PPP1R9A: variants seen among roughly 807,000 people sequenced by gnomAD.
PPP1R9A encodes the protein protein phosphatase 1 regulatory subunit 9A, also known as neurabin-1.
Under a neutral mutation model 141.9 loss-of-function variants are expected in PPP1R9A, and 59 were observed. The observed-to-expected ratio is 0.42, with a 90% CI of 0.34 to 0.52. PPP1R9A has a LOEUF of 0.52. Among genes scored for constraint, PPP1R9A ranks in the 20% least tolerant of loss-of-function variants. The probability of loss-of-function intolerance (pLI) is 0.10; values close to 1 mark genes in which losing one functional copy is unlikely to be tolerated. For missense variants in PPP1R9A, 1,444 were observed against 1,611.9 expected, an observed-to-expected ratio of 0.90 and a Z score of 1.78; for synonymous variants, 500 against 569.7, an observed-to-expected ratio of 0.88 and a Z score of 1.74.
chr7:95,197,541 T>C (rs1053588786), intron 5 of PPP1R9A, among the ~76,000 whole-genome samples: 2 of 152,206 alleles, frequency 1.3e-5, no homozygotes, highest in African/African-American at 4.8e-5. Flanking sequence ...TACCTCTTGT[T>C]ATTACAGTTT....
At chr7:95,007,968 A>C (rs759123882) in intron 2 of PPP1R9A, among the ~76,000 whole-genome samples, 3 of 152,136 alleles carry the variant, frequency 2.0e-5, no homozygotes, top group Non-Finnish European at 4.4e-5. Flanking sequence ...GCTACTCAGA[A>C]GGCTGAGGCA....
chr7:95,204,914 C>T (rs779332903), intron 7 of PPP1R9A, among the ~76,000 whole-genome samples: 10 of 148,866 alleles, frequency 6.7e-5, no homozygotes, highest in South Asian at 2.2e-4. Context: ...ACACACCTCA[C>T]GCCCCCACAC....
intron 2 of PPP1R9A, among the ~76,000 whole-genome samples, chr7:94,938,049 AGAACAG>A: frequency 6.6e-6 from 1 of 152,176 alleles, no homozygotes; most frequent in Non-Finnish European, 1.5e-5. Flanking sequence ...CTGGTAGAGT[AGAACAG>A]GGGTCCTCAG....
At chr7:95,158,812 G>T (rs955850713) in intron 4 of PPP1R9A, among the ~76,000 whole-genome samples, 2 of 152,174 alleles carry the variant, frequency 1.3e-5, no homozygotes, top group African/African-American at 2.4e-5. Flanking sequence ...ATTTGTGGAA[G>T]TAGACAGGTG....
At chr7:95,197,473 A>G (rs147549636) in intron 5 of PPP1R9A, among the ~76,000 whole-genome samples, 32 of 152,156 alleles carry the variant, frequency 2.1e-4, no homozygotes, top group African/African-American at 7.7e-4. Flanking sequence ...TCCCTTATTT[A>G]TTGAATCACA....
intron 2 of PPP1R9A, among the ~76,000 whole-genome samples, chr7:95,025,306 C>G (rs1806662787): frequency 6.6e-6 from 1 of 152,042 alleles, no homozygotes; most frequent in Non-Finnish European, 1.5e-5. Flanking sequence ...ACCTCGTGAT[C>G]CACCCTCCTC....
At chr7:95,214,942 G>A (rs146392788) in intron 7 of PPP1R9A, among the ~76,000 whole-genome samples, 2 of 151,982 alleles carry the variant, frequency 1.3e-5, no homozygotes, top group East Asian at 3.9e-4. Context: ...TAGACAATGA[G>A]AATGGAGTGA....
chr7:94,997,948 C>G (rs1374996782), intron 2 of PPP1R9A, among the ~76,000 whole-genome samples: 1 of 152,070 alleles, frequency 6.6e-6, no homozygotes, highest in African/African-American at 2.4e-5. Context: ...GATCATAATT[C>G]TGGGCTGCCT....
At chr7:95,008,611 G>A (rs528492808) in intron 2 of PPP1R9A, among the ~76,000 whole-genome samples, 32 of 152,264 alleles carry the variant, frequency 2.1e-4, no homozygotes, top group African/African-American at 7.5e-4. Flanking sequence ...CATGTACGTT[G>A]TAAGCTTCAC....
At chr7:94,915,220 T>C (rs897980143) in intron 2 of PPP1R9A, among the ~76,000 whole-genome samples, 1 of 152,162 alleles carries the variant, frequency 6.6e-6, no homozygotes, top group African/African-American at 2.4e-5. Context: ...CCTTACATGA[T>C]AGTTGTTGAA....
At chr7:95,064,646 T>C (rs1812708708) in intron 2 of PPP1R9A, among the ~76,000 whole-genome samples, 1 of 152,196 alleles carries the variant, frequency 6.6e-6, no homozygotes, top group Non-Finnish European at 1.5e-5. Flanking sequence ...TGTCAGCAAA[T>C]GCCAAAAAAG....
At chr7:94,963,259 G>A (rs1797833064) in intron 2 of PPP1R9A, among the ~76,000 whole-genome samples, 1 of 152,098 alleles carries the variant, frequency 6.6e-6, no homozygotes, top group Non-Finnish European at 1.5e-5. Flanking sequence ...ACTTGGATTG[G>A]TGAAGCATGG....
chr7:95,267,992 G>A (rs1393432814), intron 12 of PPP1R9A, among the ~76,000 whole-genome samples: 8 of 151,986 alleles, frequency 5.3e-5, no homozygotes, highest in Non-Finnish European at 1.2e-4. Context: ...CTTTCTACAG[G>A]TTTCAAAAAG....
At chr7:95,244,891 T>A (rs564943554) in intron 8 of PPP1R9A, among the ~76,000 whole-genome samples, 123 of 152,282 alleles carry the variant, frequency 8.1e-4, no homozygotes, top group Non-Finnish European at 1.5e-3. Context: ...TAAGGAAGGT[T>A]ATGACTTATA....
Position 94,911,087 on chromosome 7 carries a change from G to T in PPP1R9A, c.974G>T (p.Cys325Phe). 8 of 1,614,190 alleles carry T rather than the reference G, an allele frequency of 5.0e-6. No homozygotes were observed. The highest frequency in any genetic ancestry group is 6.8e-6 in the Non-Finnish European group (8 of 1,180,026). The stretch of plus-strand genomic sequence containing the variant: ...GACAAAGATGGTCCTGAAGAACCTT[G>T]TGCTGAAAGTAAGGCAATGCCAAAG... ...SIDKDGPEEP[C>F]AESKAMPKSE... Residue 325 changes from cysteine (C) to phenylalanine (F), a missense_variant, in exon 2 of 20, where the codon TGT becomes TTT. Coordinates refer to ENST00000433360, the MANE Select transcript of PPP1R9A (RefSeq NM_001166160.2).
At chr7:95,282,712 C>T (rs1361320769) in intron 16 of PPP1R9A, among the ~76,000 whole-genome samples, 1 of 152,164 alleles carries the variant, frequency 6.6e-6, no homozygotes, top group Admixed American at 6.6e-5. Flanking sequence ...AGGATGACAT[C>T]TGGTTCCCCC....
At chr7:95,175,366 T>C (rs906035768) in intron 5 of PPP1R9A, among the ~76,000 whole-genome samples, 1 of 151,978 alleles carries the variant, frequency 6.6e-6, no homozygotes, top group Non-Finnish European at 1.5e-5. Context: ...CAATATAATT[T>C]AATTTATGTT....
chr7:95,080,652 A>G (rs754511479), intron 2 of PPP1R9A, among the ~76,000 whole-genome samples: 4 of 152,186 alleles, frequency 2.6e-5, no homozygotes, highest in Admixed American at 6.5e-5. Context: ...AGCCAAAAGA[A>G]CAAAGCTGGA....
chr7:95,241,065 T>C (rs1013974024), intron 8 of PPP1R9A, among the ~76,000 whole-genome samples: 3 of 152,140 alleles, frequency 2.0e-5, no homozygotes, highest in African/African-American at 7.2e-5. Flanking sequence ...CAGTCTGACA[T>C]CTAGGGCAAT....
Sources: allele counts gnomAD v4.1 joint callset (sites outside exome capture counted in the v4.1 genomes callset), GRCh38; gene constraint gnomAD v4.1.1; transcripts MANE v1.5; gene names NCBI Gene and HGNC (gene_info 2026-07-23, HGNC 2026-07-21).